AIG1: variants seen among roughly 807,000 people sequenced by gnomAD.
The protein encoded by AIG1 is androgen induced 1.
A neutral mutation model predicts 31.4 loss-of-function variants in AIG1; 23 were observed. That is an observed-to-expected ratio of 0.73 (90% CI 0.53 to 1.04). The LOEUF (loss-of-function observed/expected upper bound fraction) is 1.04. AIG1 is among the 50% of genes least tolerant of loss of function. The pLI, the probability that AIG1 is intolerant of heterozygous loss-of-function variation, is 0.00. For synonymous variants in AIG1, 100 were observed against 110.5 expected (o/e 0.90, Z 0.60); for missense variants, 274 against 295.0 (o/e 0.93, Z 0.52).
intron 3 of AIG1, among the ~76,000 whole-genome samples, chr6:143,168,000 T>C (rs1488207366): frequency 6.6e-6 from 1 of 152,188 alleles, no homozygotes. Flanking sequence ...AGATACAAAA[T>C]GGATAAACCA....
chr6:143,105,881 G>A (rs1701745880), intron 1 of AIG1, among the ~76,000 whole-genome samples: 1 of 152,222 alleles, frequency 6.6e-6, no homozygotes, highest in African/African-American at 2.4e-5. Context: ...TGGTAGGAAT[G>A]GAGGCCATTA....
At chr6:143,178,480 C>G (rs960253757) in intron 3 of AIG1, among the ~76,000 whole-genome samples, 3 of 152,206 alleles carry the variant, frequency 2.0e-5, no homozygotes, top group Non-Finnish European at 4.4e-5. Context: ...GCTGGGGGCT[C>G]TCCTCTTATT....
At chr6:143,088,576 G>A (rs1173369325) in intron 1 of AIG1, among the ~76,000 whole-genome samples, 1 of 152,166 alleles carries the variant, frequency 6.6e-6, no homozygotes, top group Non-Finnish European at 1.5e-5. Flanking sequence ...TTCTAGGCCT[G>A]GAGCTTTGAC....
intron 2 of AIG1, among the ~76,000 whole-genome samples, chr6:143,162,800 G>A (rs955237916): frequency 6.6e-6 from 1 of 152,162 alleles, no homozygotes; most frequent in African/African-American, 2.4e-5. Context: ...GTCAGACTGG[G>A]GGAGGAGGTC....
intron 1 of AIG1, among the ~76,000 whole-genome samples, chr6:143,120,658 A>G (rs1166009428): frequency 2.0e-4 from 31 of 152,360 alleles, no homozygotes. Context: ...GATTATGGGA[A>G]CTAAAATTCA....
chr6:143,251,474 C>G (rs1795009211), intron 3 of AIG1, among the ~76,000 whole-genome samples: 1 of 152,116 alleles, frequency 6.6e-6, no homozygotes. Context: ...AACAAACACA[C>G]CTGACACTGT....
At chr6:143,116,094 G>C (rs531400116) in intron 1 of AIG1, among the ~76,000 whole-genome samples, 2 of 152,224 alleles carry the variant, frequency 1.3e-5, no homozygotes, top group African/African-American at 4.8e-5. Flanking sequence ...ATCTTTTCTG[G>C]GTGAAATTCT....
At chr6:143,309,145 T>C (rs1362227603) in intron 4 of AIG1, among the ~76,000 whole-genome samples, 1 of 151,912 alleles carries the variant, frequency 6.6e-6, no homozygotes, top group Non-Finnish European at 1.5e-5. Flanking sequence ...TATTGAGTAT[T>C]GAAAGACAAA....
In AIG1 at chr6:143,207,400, T is replaced by C. The variant is rs576105815; in HGVS notation, c.399+42217T>C. Among the ~76,000 whole-genome samples, 12 of 152,276 alleles carry C rather than the reference T, an allele frequency of 7.9e-5. No homozygotes were observed. In the East Asian group the frequency reaches 2.3e-3, roughly 29 times the overall value. ...CTGTTATTTCTGTTAATGTCATTGC[T>C]TCCATAGCAGCAAGCTAAGACTTTG... On this transcript the variant is annotated intron_variant, in intron 3 of 5. Transcript: ENST00000357847.
chr6:143,333,182 G>T lies in AIG1; in HGVS notation c.516-100G>T. 8.2e-7 allele frequency: 1 copy of T among 1,218,716 alleles called. No individual in the cohort carries two copies. The highest frequency in any genetic ancestry group is 1.1e-6 in the Non-Finnish European group (1 of 910,908). 75.5% of individuals were successfully genotyped at this position (1,218,716 alleles called of 1,614,324 possible). The stretch of plus-strand genomic sequence containing the variant: ...GAACTTGAGACTGGCAAATGCTGAA[G>T]CATGGGGAGAGTGAGGGAGTGTATA... On this transcript the variant is annotated intron_variant, in intron 4 of 5. Transcript: ENST00000357847. The surrounding 1 kb of genome is among the most constrained non-coding windows in gnomAD (Gnocchi z 4.6).
chr6:143,256,612 G>T lies in AIG1; in HGVS notation c.400-27498G>T, dbSNP rs1795391580. ...AGCAGATAAAAATGGAACCGTTACA[G>T]CTGAAATAGGGTGGGAAAGGATCTT... On this transcript the variant is annotated intron_variant, in intron 3 of 5. Coordinates refer to ENST00000357847, the MANE Select transcript of AIG1 (RefSeq NM_016108.4). This position sits in a 1 kb window ranked among gnomAD's most constrained non-coding sequence, Gnocchi z 4.6. Among the ~76,000 whole-genome samples, 1 of 152,162 alleles carries T rather than the reference G, an allele frequency of 6.6e-6. No homozygotes were observed. Among genetic ancestry groups the T allele is most frequent in the African/African-American group, 2.4e-5 (1 of 41,430 alleles).
Position 143,284,124 on chromosome 6 carries a change from G to T in AIG1, c.414G>T (p.Leu138=). Reference sequence around the variant, plus strand: ...TTATTTTCCAGCACACGACGGTTCTGCCCTTTATATTAATCGAGATGAGGA... The same window carrying T: ...TTATTTTCCAGCACACGACGGTTCTTCCCTTTATATTAATCGAGATGAGGA... The part of the protein sequence containing the change: ...WLNHGMHTTV[L]PFILIEMRTS... Residue 138 remains leucine, a synonymous_variant, in exon 4 of 6, where the codon CTG becomes CTT. Transcript: ENST00000357847. The surrounding 1 kb of genome is among the most constrained non-coding windows in gnomAD (Gnocchi z 4.4). 1.2e-6 allele frequency: 2 copies of T among 1,613,654 alleles called. No homozygotes were observed.
chr6:143,201,093 C>T (rs1418833885), intron 3 of AIG1, among the ~76,000 whole-genome samples: 1 of 152,054 alleles, frequency 6.6e-6, no homozygotes, highest in Non-Finnish European at 1.5e-5. Context: ...GCAGAGAGTC[C>T]ATGGGACAAT....
At chr6:143,105,398 G>A (rs1042172128) in intron 1 of AIG1, among the ~76,000 whole-genome samples, 12 of 152,200 alleles carry the variant, frequency 7.9e-5, no homozygotes, top group African/African-American at 2.7e-4. Context: ...ACCAGGAAGC[G>A]CAGAAATCTG....
Position 143,293,647 on chromosome 6 carries a change from T to G in AIG1, c.515+9422T>G, listed in dbSNP as rs73781155. Among the ~76,000 whole-genome samples the G allele has an allele frequency of 0.13, 19,482 of 152,130 alleles. 2,181 individuals carry two copies. The highest frequency in any genetic ancestry group is 0.3 in the African/African-American group (12,561 of 41,452). On this transcript the variant is annotated intron_variant, in intron 4 of 5. Coordinates refer to ENST00000357847, the MANE Select transcript of AIG1 (RefSeq NM_016108.4). This position sits in a 1 kb window ranked among gnomAD's most constrained non-coding sequence, Gnocchi z 4.8. ...ATCCCCAGTATTTATTATTCTGAGT[T>G]TTTTGTTCTCCTACCCCCAACAGCT... is the stretch of plus-strand genomic sequence containing the variant.
At chr6:143,079,288 C>T (rs1218923937) in intron 1 of AIG1, among the ~76,000 whole-genome samples, 1 of 152,054 alleles carries the variant, frequency 6.6e-6, no homozygotes, top group Non-Finnish European at 1.5e-5. Flanking sequence ...CCTCTATCCT[C>T]AGACTGGAAA....
intron 4 of AIG1, among the ~76,000 whole-genome samples, chr6:143,318,921 A>G (rs1775979311): frequency 6.6e-6 from 1 of 152,200 alleles, no homozygotes; most frequent in Non-Finnish European, 1.5e-5. Context: ...TCAAAACCAA[A>G]TGTGATACCA....
At chr6:143,135,532 GAAAGAATGAC>G in intron 1 of AIG1, among the ~76,000 whole-genome samples, 1 of 152,186 alleles carries the variant, frequency 6.6e-6, no homozygotes, top group Middle Eastern at 3.4e-3. Flanking sequence ...TCTGGCTGCA[GAAAGAATGAC>G]AGTAAACCTT....
intron 3 of AIG1, among the ~76,000 whole-genome samples, chr6:143,211,324 G>A (rs1269008846): frequency 6.6e-6 from 1 of 152,128 alleles, no homozygotes; most frequent in African/African-American, 2.4e-5. Flanking sequence ...TTATATTCTA[G>A]TAGAGGAGGC....
Sources: gnomAD v4.1 joint callset for allele counts (sites outside exome capture counted in the v4.1 genomes callset) on GRCh38, gnomAD v4.1.1 for gene constraint, Gnocchi (gnomAD v3.1) non-coding constraint, MANE v1.5 for transcripts, NCBI Gene and HGNC (gene_info 2026-07-23, HGNC 2026-07-21) for gene names.